Variants in THOC2 observed in about 807,000 individuals in gnomAD.
THOC2 encodes the protein THO complex subunit 2.
In THOC2, 10 loss-of-function variants were observed where a neutral mutation model predicts 128.4. That is an observed-to-expected ratio of 0.08 (90% CI 0.05 to 0.13). The LOEUF (loss-of-function observed/expected upper bound fraction) is 0.13. Ranked by LOEUF, THOC2 falls within the 10% of genes least tolerant of loss-of-function variation. The pLI is 1.00. For missense variants in THOC2, 535 were observed against 1,155.7 expected (o/e 0.46, Z 7.79); for synonymous variants, 393 against 396.9 (o/e 0.99, Z 0.12).
At chrX:123,608,509 A>C (rs2046573173) in intron 38 of THOC2, among the ~76,000 whole-genome samples, 1 of 110,523 alleles carries the variant, frequency 9.0e-6, no homozygotes, top group South Asian at 3.9e-4. Flanking sequence ...GGATCACCTG[A>C]GGTCAGGAGT....
At chrX:123,723,114 G>A (rs989752027) in intron 1 of THOC2, among the ~76,000 whole-genome samples, 1 of 110,800 alleles carries the variant, frequency 9.0e-6, no homozygotes, top group African/African-American at 3.3e-5. Context: ...GGGAGGCAGA[G>A]GTTGCAGTGA....
intron 38 of THOC2, among the ~76,000 whole-genome samples, chrX:123,606,274 CAAA>C (rs774551996): frequency 7.2e-5 from 3 of 41,403 alleles, no homozygotes; most frequent in Non-Finnish European, 5.2e-5. Flanking sequence ...CTCGTCTCTA[CAAA>C]AAAAAAAAAA....
intron 4 of THOC2, among the ~76,000 whole-genome samples, chrX:123,699,599 C>A (rs144066108): frequency 3.2e-4 from 35 of 110,683 alleles, no homozygotes; most frequent in Non-Finnish European, 4.7e-4. Flanking sequence ...CATTCTTTTA[C>A]CCAACATGTA....
chrX:123,635,095 T>C (rs975178573), intron 19 of THOC2, among the ~76,000 whole-genome samples: 2 of 111,592 alleles, frequency 1.8e-5, no homozygotes, highest in Non-Finnish European at 3.8e-5. Flanking sequence ...CTTTCCTTAG[T>C]TTCGTTTGTT....
rs187528070 is a variant in THOC2 at position 123,646,265 on chromosome X, C to A, written c.1387-890G>T. Among the ~76,000 whole-genome samples the A allele has an allele frequency of 4.5e-5, 5 of 111,963 alleles. No homozygotes were observed. The East Asian group carries it at 1.4e-3, about 31-fold the overall frequency. On this transcript the variant is annotated intron_variant, in intron 12 of 38. Transcript: ENST00000245838. ...ATTATATAAACAATTTGCAGATTTA[C>A]AGATGAGCCCCTAAAGTGATGTTTG...
chrX:123,732,673 G>A (rs1162229511), intron 1 of THOC2, among the ~76,000 whole-genome samples: 3 of 112,020 alleles, frequency 2.7e-5, no homozygotes, highest in Non-Finnish European at 5.6e-5. Context: ...AGGGAGCGCG[G>A]AGACCTGCAG....
At chrX:123,620,862 C>A in intron 32 of THOC2, 45 bp downstream of exon 32, 1 of 1,159,097 alleles carries the variant, frequency 8.6e-7, no homozygotes, top group Non-Finnish European at 1.2e-6. Context: ...GTATTCCAAA[C>A]AGGTGAGCCT....
At chrX:123,678,703 A>C (rs1482804766) in intron 8 of THOC2, among the ~76,000 whole-genome samples, 2 of 110,371 alleles carry the variant, frequency 1.8e-5, no homozygotes, top group African/African-American at 3.3e-5. Flanking sequence ...GTTTCATTAT[A>C]ATCTTATGCA....
At chrX:123,632,318 A>C (rs775449415) in intron 21 of THOC2, among the ~76,000 whole-genome samples, 45 of 108,681 alleles carry the variant, frequency 4.1e-4, no homozygotes, top group African/African-American at 1.5e-3. Flanking sequence ...CAGAGGCCCG[A>C]CTCTACAAAA....
chrX:123,678,547 G>A (rs904795084), intron 8 of THOC2, among the ~76,000 whole-genome samples: 32 of 110,434 alleles, frequency 2.9e-4, no homozygotes, highest in African/African-American at 9.6e-4. Context: ...TATTACAGGC[G>A]TGAGCTACCG....
intron 8 of THOC2, among the ~76,000 whole-genome samples, chrX:123,676,416 G>A (rs775367253): frequency 6.1e-4 from 68 of 112,053 alleles, no homozygotes; most frequent in Non-Finnish European, 1.0e-3. Context: ...ACTGATCTGG[G>A]TGTGGGGGCT....
intron 3 of THOC2, among the ~76,000 whole-genome samples, chrX:123,703,754 T>C (rs1310647782): frequency 1.2e-5 from 1 of 83,642 alleles, no homozygotes; most frequent in East Asian, 4.2e-4. Context: ...AAAAAAAAAT[T>C]AGCCAGGCGT....
chrX:123,637,996 G>T, intron 18 of THOC2, 47 bp downstream of exon 18: 1 of 955,783 alleles, frequency 1.0e-6, no homozygotes, highest in Non-Finnish European at 1.5e-6. Flanking sequence ...TAACATGGCA[G>T]TTACCACAGA....
At chrX:123,713,754 G>GA (rs767412324) in intron 1 of THOC2, among the ~76,000 whole-genome samples, 19 of 108,273 alleles carry the variant, frequency 1.8e-4, no homozygotes, top group Admixed American at 8.0e-4. Flanking sequence ...AGGCTGGGGT[G>GA]AAAAAATCAA....
At chrX:123,694,002 A>ACT (rs1457571032) in intron 7 of THOC2, among the ~76,000 whole-genome samples, 1 of 111,340 alleles carries the variant, frequency 9.0e-6, no homozygotes, top group Non-Finnish European at 1.9e-5. Context: ...CCCTGAGAGT[A>ACT]AAGTTCAAGA....
chrX:123,634,158 CTTAA>C (rs1170077844), intron 19 of THOC2, 88 bp from the exon 20 acceptor site: 7 of 480,538 alleles, frequency 1.5e-5, no homozygotes, highest in Non-Finnish European at 2.3e-5. Flanking sequence ...CTGAGAAACC[CTTAA>C]TTATTTGTAT....
Position 123,676,197 on chromosome X carries a change from ATTACAGACAATAATTGTGCCT to A in THOC2, c.769-4457_769-4437del, listed in dbSNP as rs745326031. On this transcript the variant is annotated intron_variant, in intron 8 of 38. Coordinates refer to ENST00000245838, the MANE Select transcript of THOC2 (RefSeq NM_001081550.2). Reference sequence around the variant, plus strand: ...CAGCTGTTGTCCCTTGCTCCAGGCCATTACAGACAATAATTGTGCCTTTAAGTGCTTTTGGCAAAAGCCATA... The same window carrying A: ...CAGCTGTTGTCCCTTGCTCCAGGCCATTAAGTGCTTTTGGCAAAAGCCATA... Among the ~76,000 whole-genome samples, 4 of 112,532 alleles carry A rather than the reference ATTACAGACAATAATTGTGCCT, an allele frequency of 3.6e-5. No homozygotes were observed. The East Asian group carries it at 1.1e-3, about 31-fold the overall frequency.
chrX:123,621,072 T>C, intron 31 of THOC2, 85 bp downstream of exon 31: 4 of 1,177,197 alleles, frequency 3.4e-6, no homozygotes, highest in Middle Eastern at 2.4e-4. Flanking sequence ...AAAACCCCTA[T>C]ATAACTTACC....
At chrX:123,671,173 C>G (rs745816676) in intron 9 of THOC2, among the ~76,000 whole-genome samples, 1 of 111,483 alleles carries the variant, frequency 9.0e-6, no homozygotes, top group Admixed American at 9.5e-5. Context: ...ACGAATAACA[C>G]AAGAAAAATA....
Sources: allele counts gnomAD v4.1 joint callset (sites outside exome capture counted in the v4.1 genomes callset), GRCh38; gene constraint gnomAD v4.1.1; transcripts MANE v1.5; gene names NCBI Gene and HGNC (gene_info 2026-07-23, HGNC 2026-07-21).